Variants in WWC2 observed in about 807,000 individuals in gnomAD.
The protein encoded by WWC2 is WW and C2 domain containing 2, also known as protein WWC2.
A neutral mutation model predicts 138.5 loss-of-function variants in WWC2; 101 were observed. That is an observed-to-expected ratio of 0.73 (90% CI 0.62 to 0.86). The LOEUF (loss-of-function observed/expected upper bound fraction) is 0.86. Among genes scored for constraint, WWC2 ranks in the 40% least tolerant of loss-of-function variants. The probability of loss-of-function intolerance (pLI) is 0.00; values close to 1 mark genes in which losing one functional copy is unlikely to be tolerated. For missense variants in WWC2, 1,420 were observed against 1,419.4 expected, an observed-to-expected ratio of 1.00 and a Z score of -0.01; for synonymous variants, 558 against 538.4, an observed-to-expected ratio of 1.04 and a Z score of -0.50.
chr4:183,285,973 C>T lies in WWC2; in HGVS notation c.3055C>T (p.Arg1019Trp). The change falls in exon 20 of 23, where the codon CGG becomes TGG. Residue 1019 changes from arginine to tryptophan, a missense_variant. Coordinates refer to ENST00000403733, the MANE Select transcript of WWC2 (RefSeq NM_024949.6). ...TTAAATCTTTTGTTGCCAGTTAAAT[C>T]GGAGTGACAGTGACAGTTCAACCCT... ...ERNQYICRLN[R>W]SDSDSSTLAK... 1 of 1,587,868 alleles carries T rather than the reference C, an allele frequency of 6.3e-7. No individual in the cohort carries two copies. The highest frequency in any genetic ancestry group is 8.6e-7 in the Non-Finnish European group (1 of 1,165,596).
intron 4 of WWC2, among the ~76,000 whole-genome samples, chr4:183,209,557 A>C (rs556378925): frequency 6.6e-6 from 1 of 152,238 alleles, no homozygotes; most frequent in East Asian, 1.9e-4. Context: ...TTTTATTGTT[A>C]GCAGTTAGAA....
intron 21 of WWC2, among the ~76,000 whole-genome samples, chr4:183,298,514 G>A (rs1011468199): frequency 2.0e-5 from 3 of 152,144 alleles, no homozygotes; most frequent in African/African-American, 7.2e-5. Context: ...TCAGATCTTA[G>A]ATGCTGTTGT....
intron 6 of WWC2, among the ~76,000 whole-genome samples, chr4:183,248,341 T>A (rs1037489112): frequency 6.6e-6 from 1 of 152,230 alleles, no homozygotes; most frequent in Admixed American, 6.5e-5. Flanking sequence ...GAGATTATGT[T>A]ATAGATATTC....
intron 1 of WWC2, among the ~76,000 whole-genome samples, chr4:183,151,327 TA>T (rs1400353092): frequency 6.6e-6 from 1 of 152,254 alleles, no homozygotes; most frequent in Non-Finnish European, 1.5e-5. Flanking sequence ...TTTGGCTGCA[TA>T]AATGTCTTCT....
chr4:183,194,152 A>G (rs1735067386), intron 2 of WWC2, among the ~76,000 whole-genome samples: 2 of 152,184 alleles, frequency 1.3e-5, no homozygotes, highest in South Asian at 4.1e-4. Context: ...TCTGGAAGAC[A>G]TAGCGTAGCT....
At position 183,261,147 on chromosome 4, in the gene WWC2, C is replaced by A. The variant is rs781598183; in HGVS notation, c.1524C>A (p.Asn508Lys). Residue 508 changes from asparagine to lysine, a missense_variant, in exon 11 of 23, where the codon AAC becomes AAA. By Grantham distance (94) the Asn-to-Lys change is moderately conservative. Transcript: ENST00000403733. ...PSGPITTIHENEVVKSPSQPG... is the reference protein window; with the variant it reads ...PSGPITTIHEKEVVKSPSQPG... ...GACCCATCACCACCATCCATGAAAA[C>A]GAGGTGGTCAAGTCCCCTAGCCAGC... 30 of 1,613,940 alleles carry A rather than the reference C, an allele frequency of 1.9e-5. No homozygotes were observed. Among genetic ancestry groups the A allele is most frequent in the African/African-American group, 2.7e-5 (2 of 75,040 alleles).
At chr4:183,173,108 A>C (rs1734341286) in intron 1 of WWC2, among the ~76,000 whole-genome samples, 2 of 151,860 alleles carry the variant, frequency 1.3e-5, no homozygotes, top group Non-Finnish European at 2.9e-5. Context: ...GCAGTGGTAT[A>C]ATCACAGCTC....
At chr4:183,113,701 CTT>C (rs1463694112) in intron 1 of WWC2, among the ~76,000 whole-genome samples, 1 of 150,450 alleles carries the variant, frequency 6.6e-6, no homozygotes, top group African/African-American at 2.4e-5. Flanking sequence ...CCTGGCCTTT[CTT>C]TTTTTCTTTT....
At chr4:183,118,167 T>A (rs186751362) in intron 1 of WWC2, among the ~76,000 whole-genome samples, 401 of 152,320 alleles carry the variant, frequency 2.6e-3, no homozygotes, top group Non-Finnish European at 4.8e-3. Flanking sequence ...ATAGTTTCTT[T>A]CAGTCGATTG....
chr4:183,185,501 TACTG>T (rs1734764612), intron 1 of WWC2, among the ~76,000 whole-genome samples: 3 of 152,324 alleles, frequency 2.0e-5, no homozygotes, highest in South Asian at 2.1e-4. Flanking sequence ...TTTGGCCAAA[TACTG>T]AAGTAATTTA....
chr4:183,115,917 G>C (rs1008661797), intron 1 of WWC2, among the ~76,000 whole-genome samples: 1 of 152,022 alleles, frequency 6.6e-6, no homozygotes, highest in African/African-American at 2.4e-5. Flanking sequence ...CTTTGCCAGG[G>C]CCTACGTCCA....
At chr4:183,198,120 T>C (rs971664115) in intron 2 of WWC2, among the ~76,000 whole-genome samples, 1 of 152,192 alleles carries the variant, frequency 6.6e-6, no homozygotes, top group African/African-American at 2.4e-5. Flanking sequence ...GGCAGATTGC[T>C]GGAGCCTAGG....
chr4:183,269,077 G>A lies in WWC2; in HGVS notation c.2314G>A (p.Val772Ile), dbSNP rs200599218. The change falls in exon 15 of 23, where the codon GTC becomes ATC. Residue 772 changes from valine to isoleucine, a missense_variant. Transcript: ENST00000403733. ...ESILFNDVFR[V>I]AISQTALQQK... ...CATTTTATTCAATGATGTGTTCAGA[G>A]TCGCCATTTCCCAAACAGCCTTACA... 42 of 1,613,930 alleles carry A rather than the reference G, an allele frequency of 2.6e-5. No homozygotes were observed. The Middle Eastern group carries it at 6.6e-4, about 25-fold the overall frequency.
At chr4:183,187,554 A>AAATAATATT (rs1553966194) in intron 1 of WWC2, among the ~76,000 whole-genome samples, 1 of 127,634 alleles carries the variant, frequency 7.8e-6, no homozygotes, top group Non-Finnish European at 1.6e-5. Context: ...CTCCGTCTCA[A>AAATAATATT]AATAATAATA....
At chr4:183,216,199 T>C (rs1735749598) in intron 4 of WWC2, among the ~76,000 whole-genome samples, 1 of 152,216 alleles carries the variant, frequency 6.6e-6, no homozygotes, top group African/African-American at 2.4e-5. Flanking sequence ...TTATTGTACA[T>C]ACGTTTTGCA....
At chr4:183,118,958 C>G (rs986908383) in intron 1 of WWC2, among the ~76,000 whole-genome samples, 1 of 151,824 alleles carries the variant, frequency 6.6e-6, no homozygotes, top group African/African-American at 2.4e-5. Flanking sequence ...CCTCCCCTGA[C>G]AACACTTTAC....
At chr4:183,298,608 C>G (rs1474732621) in intron 21 of WWC2, among the ~76,000 whole-genome samples, 2 of 152,144 alleles carry the variant, frequency 1.3e-5, no homozygotes, top group Admixed American at 1.3e-4. Context: ...TAAATGAAAA[C>G]AAACCAGCCT....
At chr4:183,265,135 C>T in intron 12 of WWC2, 28 bp downstream of exon 12, 1 of 1,584,448 alleles carries the variant, frequency 6.3e-7, no homozygotes, top group Non-Finnish European at 8.6e-7. Context: ...GCGCTTTTAG[C>T]TCCAGCGAAT....
chr4:183,113,549 C>T (rs1732318327), intron 1 of WWC2, among the ~76,000 whole-genome samples: 1 of 150,608 alleles, frequency 6.6e-6, no homozygotes, highest in Non-Finnish European at 1.5e-5. Context: ...CACGTGCATG[C>T]AAGATGATCT....
Sources: gnomAD v4.1 joint callset for allele counts (sites outside exome capture counted in the v4.1 genomes callset) on GRCh38, gnomAD v4.1.1 for gene constraint, MANE v1.5 for transcripts, NCBI Gene and HGNC (gene_info 2026-07-23, HGNC 2026-07-21) for gene names.